Variants in TMEM168 observed in about 807,000 individuals in gnomAD.
TMEM168 encodes transmembrane protein 168.
Under a neutral mutation model 53.2 loss-of-function variants are expected in TMEM168, and 40 were observed. The ratio of observed to expected loss-of-function variants is 0.75; its 90% CI spans 0.58 to 0.98. The LOEUF (loss-of-function observed/expected upper bound fraction) is 0.98, where lower values mean the gene tolerates loss of function less well. Ranked by LOEUF, TMEM168 falls within the 50% of genes least tolerant of loss-of-function variation. TMEM168 has a pLI of 0.00. For synonymous variants in TMEM168, 282 were observed against 293.0 expected, an observed-to-expected ratio of 0.96 and a Z score of 0.38; for missense variants, 771 against 828.8, an observed-to-expected ratio of 0.93 and a Z score of 0.86.
At position 112,764,023 on chromosome 7, in the gene TMEM168, T is replaced by C. The variant is rs1277966126; in HGVS notation, c.*3174A>G. On this transcript the variant is annotated 3_prime_UTR_variant, in exon 5 of 5. Coordinates refer to ENST00000312814, the MANE Select transcript of TMEM168 (RefSeq NM_022484.6). ...AACTAAAAATTTTTGAATAAAATGA[T>C]GGCATAACTGAAAAGTCATGGGGAG... 2.0e-5 allele frequency: 3 copies of C among 152,086 alleles called. No homozygotes were observed. The highest frequency in any genetic ancestry group is 7.2e-5 in the African/African-American group (3 of 41,446). The allele number at this position is 152,086 out of a possible 1,614,324, so 9.4% of individuals were successfully genotyped here. A position where few individuals can be genotyped will look rare whatever the true frequency, so the allele number is the denominator to read the frequency against.
chr7:112,775,235 A>G lies in TMEM168; in HGVS notation c.1212T>C (p.Gly404=), dbSNP rs776503948. 1 of 1,613,876 alleles carries G rather than the reference A, an allele frequency of 6.2e-7. No homozygotes were observed. The highest frequency in any genetic ancestry group is 8.5e-7 in the Non-Finnish European group (1 of 1,179,900). The change falls in exon 3 of 5, where the codon GGT becomes GGC. Residue 404 remains glycine, a synonymous_variant. Transcript: ENST00000312814. ...CAACAGATGTTCCTCCTAAACAGTT[A>G]CCCAATTCATGGAAGAGCCCATGAG... is the stretch of plus-strand genomic sequence containing the variant. The part of the protein sequence containing the change: ...SMAHGLFHEL[G]NCLGGTSVGY...
chr7:112,762,843 T>G lies in TMEM168; in HGVS notation c.*4354A>C, dbSNP rs899247014. ...TTACTGCTTAAACTTCATCGTTTTA[T>G]ATTGTTTCTATGTGTTATAATTAGT... On this transcript the variant is annotated 3_prime_UTR_variant, in exon 5 of 5. Transcript: ENST00000312814. 2.4e-4 allele frequency: 37 copies of G among 152,098 alleles called. No individual in the cohort carries two copies. Among genetic ancestry groups the G allele is most frequent in the African/African-American group, 8.7e-4 (36 of 41,446 alleles). The allele number at this position is 152,098 out of a possible 1,614,324, so 9.4% of individuals were successfully genotyped here.
chr7:112,770,355 C>A (rs1269904764), intron 4 of TMEM168, among the ~76,000 whole-genome samples: 1 of 152,118 alleles, frequency 6.6e-6, no homozygotes, highest in East Asian at 1.9e-4. Flanking sequence ...GATCAGTATG[C>A]TTTCTCTCTC....
At chr7:112,782,669 C>T (rs188758718) in intron 2 of TMEM168, among the ~76,000 whole-genome samples, 21 of 152,270 alleles carry the variant, frequency 1.4e-4, no homozygotes, top group East Asian at 1.2e-3. Context: ...AGCACCATGT[C>T]CAGGCAAGTC....
Position 112,772,883 on chromosome 7 carries a change from TTA to T in TMEM168, c.1442_1443del (p.Leu481GlnfsTer15). ...ACTGTCCGAAGTTCGAGGAAAGCTTTTAGTTTGGAATGCAGAGTATCAAATGA... is the reference window on the plus strand; with the variant it reads ...ACTGTCCGAAGTTCGAGGAAAGCTTTGTTTGGAATGCAGAGTATCAAATGA... ...GLSFDTLHSK[L>X]KAFLELRTVD... On this transcript the variant is annotated frameshift_variant, in exon 4 of 5. Transcript: ENST00000312814. LOFTEE classifies it high-confidence loss of function. 6.2e-7 allele frequency: 1 copy of T among 1,614,086 alleles called. No individual in the cohort carries two copies. Among genetic ancestry groups the T allele is most frequent in the Non-Finnish European group, 8.5e-7 (1 of 1,179,964 alleles).
Position 112,783,542 on chromosome 7 carries a change from A to G in TMEM168, c.1128+156T>C, listed in dbSNP as rs1584450156. ...AGAGATCAAATAAATTATCCTCTTG[A>G]AACACATTCAGTGCTTCAATTCCAT... is the stretch of plus-strand genomic sequence containing the variant. On this transcript the variant is annotated intron_variant, in intron 2 of 4. Coordinates refer to ENST00000312814, the MANE Select transcript of TMEM168 (RefSeq NM_022484.6). Among the ~76,000 whole-genome samples, 5 of 152,208 alleles carry G rather than the reference A, an allele frequency of 3.3e-5. No homozygotes were observed. In the South Asian group the frequency reaches 1.0e-3, roughly 32 times the overall value.
At position 112,766,171 on chromosome 7, in the gene TMEM168, AATTGCCAAT is replaced by A. The variant is rs1312215666; in HGVS notation, c.*1017_*1025del. The A allele has an allele frequency of 6.6e-6, 1 of 152,544 alleles. No individual in the cohort carries two copies. Among genetic ancestry groups the A allele is most frequent in the Non-Finnish European group, 1.5e-5 (1 of 68,022 alleles). 9.4% of individuals were successfully genotyped at this position (152,544 alleles called of 1,614,324 possible). A position where few individuals can be genotyped will look rare whatever the true frequency, so the allele number is the denominator to read the frequency against. On this transcript the variant is annotated 3_prime_UTR_variant, in exon 5 of 5. Coordinates refer to ENST00000312814, the MANE Select transcript of TMEM168 (RefSeq NM_022484.6). ...CAACCACAATATTATGCCTAACTAA[AATTGCCAAT>A]ATGAATACTTTTTTACAGAATACAT...
rs1792706619 is a variant in TMEM168 at position 112,763,615 on chromosome 7, T to G, written c.*3582A>C. 1 of 152,166 alleles carries G rather than the reference T, an allele frequency of 6.6e-6. No homozygotes were observed. Among genetic ancestry groups the G allele is most frequent in the South Asian group, 2.1e-4 (1 of 4,832 alleles). 9.4% of individuals were successfully genotyped at this position (152,166 alleles called of 1,614,324 possible). ...ATCACATTCTTAAAATTAAATCATT[T>G]TCTTCTGGCATACATTATATTAACT... On this transcript the variant is annotated 3_prime_UTR_variant, in exon 5 of 5. Transcript: ENST00000312814.
chr7:112,775,183 A>G lies in TMEM168; in HGVS notation c.1264T>C (p.Phe422Leu), dbSNP rs1188830580. Residue 422 changes from phenylalanine to leucine, a missense_variant, in exon 3 of 5, where the codon TTC becomes CTC. Physicochemically the swap from Phe to Leu is conservative, Grantham distance 22. Coordinates refer to ENST00000312814, the MANE Select transcript of TMEM168 (RefSeq NM_022484.6). ...TATACTAGATTACTGTACCTGCAGA[A>G]GTTGGTGGGAATCACAATAGCATAT... ...VGYAIVIPTN[F>L]CSPDGQPTLL... The G allele has an allele frequency of 1.1e-5, 18 of 1,606,700 alleles. No individual in the cohort carries two copies. The highest frequency in any genetic ancestry group is 1.4e-5 in the Non-Finnish European group (17 of 1,176,656).
rs146165152 is a variant in TMEM168, at chr7:112,777,621, A to G, written c.1129-2303T>C. Among the ~76,000 whole-genome samples the G allele has an allele frequency of 1.1e-3, 172 of 152,174 alleles. 4 individuals carry two copies. The East Asian group carries it at 0.031, about 27-fold the overall frequency. ...GCTTATATAGCTTCTTCTGAACTGT[A>G]TCTTCCAGTTCACTAATGCCCACTT... On this transcript the variant is annotated intron_variant, in intron 2 of 4. Transcript: ENST00000312814.
In TMEM168 at chr7:112,763,924, A is replaced by C. The variant is rs916790782; in HGVS notation, c.*3273T>G. ...ATGCATCTTTTCCAAAGAATTTTGA[A>C]TTTATTAAGAGCAAGACAGAATTCT... On this transcript the variant is annotated 3_prime_UTR_variant, in exon 5 of 5. Coordinates refer to ENST00000312814, the MANE Select transcript of TMEM168 (RefSeq NM_022484.6). 6.6e-6 allele frequency: 1 copy of C among 152,076 alleles called. No individual in the cohort carries two copies. Among genetic ancestry groups the C allele is most frequent in the African/African-American group, 2.4e-5 (1 of 41,436 alleles). The allele number at this position is 152,076 out of a possible 1,614,324, so 9.4% of individuals were successfully genotyped here.
chr7:112,784,469 T>C lies in TMEM168; in HGVS notation c.357A>G (p.Lys119=). The change falls in exon 2 of 5, where the codon AAA becomes AAG. Residue 119 remains lysine (K), a synonymous_variant. Transcript: ENST00000312814. ...LDNSSFKNDV[K]EESTKYLLLT... is the part of the protein sequence containing the mutation. ...GAAGCAAATATTTGGTTGATTCTTC[T>C]TTTACATCATTTTTAAAGGATGAAT... 6.2e-7 allele frequency: 1 copy of C among 1,614,100 alleles called. No individual in the cohort carries two copies. The highest frequency in any genetic ancestry group is 8.5e-7 in the Non-Finnish European group (1 of 1,180,000).
In TMEM168 at chr7:112,763,109, C is replaced by G. The variant is rs149099126; in HGVS notation, c.*4088G>C. On this transcript the variant is annotated 3_prime_UTR_variant, in exon 5 of 5. Transcript: ENST00000312814. ...GATTCAATCTTAATGATATTAGAGT[C>G]ATGATGGAAATGGACTCAACTCACA... 6.6e-6 allele frequency: 1 copy of G among 151,950 alleles called. No individual in the cohort carries two copies. The highest frequency in any genetic ancestry group is 2.1e-4 in the South Asian group (1 of 4,822). 9.4% of individuals were successfully genotyped at this position (151,950 alleles called of 1,614,324 possible). A position where few individuals can be genotyped will look rare whatever the true frequency, so the allele number is the denominator to read the frequency against.
At chr7:112,790,014 C>T (rs1793503592) in intron 1 of TMEM168, 146 bp downstream of exon 1, 1 of 152,254 alleles carries the variant, frequency 6.6e-6, no homozygotes, top group Non-Finnish European at 1.5e-5. Flanking sequence ...AATCTCCAAC[C>T]ACCACTGTCA....
chr7:112,769,229 C>CT (rs1167302528), intron 4 of TMEM168, among the ~76,000 whole-genome samples: 2 of 152,110 alleles, frequency 1.3e-5, no homozygotes, highest in African/African-American at 4.8e-5. Context: ...TGAAAATAAA[C>CT]TTTTTTTATT....
chr7:112,785,339 G>C (rs1793349089), intron 1 of TMEM168, among the ~76,000 whole-genome samples: 1 of 152,150 alleles, frequency 6.6e-6, no homozygotes, highest in African/African-American at 2.4e-5. Flanking sequence ...AGTGAATGAA[G>C]GACTTCATCG....
chr7:112,765,721 TA>T lies in TMEM168; in HGVS notation c.*1475del, dbSNP rs1379436881. 2.0e-5 allele frequency: 3 copies of T among 152,180 alleles called. No individual in the cohort carries two copies. Among genetic ancestry groups the T allele is most frequent in the African/African-American group, 4.9e-5 (2 of 41,058 alleles). 9.4% of individuals were successfully genotyped at this position (152,180 alleles called of 1,614,324 possible). A position where few individuals can be genotyped will look rare whatever the true frequency, so the allele number is the denominator to read the frequency against. ...AAAATATTCAATATTTGCACATCAT[TA>T]AATAAAAAATTAATTTTTAACAAAA... On this transcript the variant is annotated 3_prime_UTR_variant, in exon 5 of 5. Transcript: ENST00000312814.
chr7:112,767,389 A>T lies in TMEM168; in HGVS notation c.1902T>A (p.Asp634Glu). Reference sequence around the variant, plus strand: ...AGTGTAACATCCAGTGCTTGGCCACATCGCTTCCCGTTGGCAAATGCAGAG... The same window carrying T: ...AGTGTAACATCCAGTGCTTGGCCACTTCGCTTCCCGTTGGCAAATGCAGAG... ...DYTLHLPTGS[D>E]VAKHWMLHFP... The change falls in exon 5 of 5, where the codon GAT (aspartate) becomes GAA (glutamate). Residue 634 changes from aspartate to glutamate, a missense_variant. Physicochemically the swap from Asp to Glu is conservative, Grantham distance 45. Transcript: ENST00000312814. 2 of 1,614,180 alleles carry T rather than the reference A, an allele frequency of 1.2e-6. No homozygotes were observed. Among genetic ancestry groups the T allele is most frequent in the Non-Finnish European group, 1.7e-6 (2 of 1,180,012 alleles).
In TMEM168 at chr7:112,767,639, G is replaced by T; in HGVS notation, c.1652C>A (p.Pro551His). 6.2e-7 allele frequency: 1 copy of T among 1,614,048 alleles called. No individual in the cohort carries two copies. Among genetic ancestry groups the T allele is most frequent in the Non-Finnish European group, 8.5e-7 (1 of 1,180,006 alleles). ...AATTTTCCTCACTTCTTTCACCCAA[G>T]GGGTTGAATTTTCGCTGTCTAATAC... ...IIVLDSENST[P>H]WVKEVRKIND... Residue 551 changes from proline (P) to histidine (H), a missense_variant, in exon 5 of 5, where the codon CCT (proline) becomes CAT (histidine). Coordinates refer to ENST00000312814, the MANE Select transcript of TMEM168 (RefSeq NM_022484.6).
Sources: allele counts gnomAD v4.1 joint callset (sites outside exome capture counted in the v4.1 genomes callset), GRCh38; gene constraint gnomAD v4.1.1; transcripts MANE v1.5; gene names NCBI Gene and HGNC (gene_info 2026-07-23, HGNC 2026-07-21).